GARIN1A: variants seen among roughly 807,000 people sequenced by gnomAD.
GARIN1A encodes the protein golgi associated RAB2 interactor 1A.
At chr7:128,677,593 G>C in the GARIN1A span, 1 of 1,611,196 alleles carries the variant, frequency 6.2e-7, no homozygotes, top group Non-Finnish European at 8.5e-7. Flanking sequence ...GTGGAGCTAC[G>C]AATCTACGAC....
chr7:128,696,059 C>G, the GARIN1A span, among the ~76,000 whole-genome samples: 1 of 122,108 alleles, frequency 8.2e-6, no homozygotes, highest in Non-Finnish European at 1.6e-5. Context: ...ATCACCCAGG[C>G]TGGAGTGCAG....
the GARIN1A span, chr7:128,675,647 G>T: frequency 6.2e-7 from 1 of 1,611,400 alleles, no homozygotes. Context: ...GCTCCTTTCT[G>T]ACCCATGTAC....
At chr7:128,702,277 A>G in the GARIN1A span, among the ~76,000 whole-genome samples, 3 of 152,222 alleles carry the variant, frequency 2.0e-5, no homozygotes, top group Non-Finnish European at 2.9e-5. Flanking sequence ...TTTTTAAAAA[A>G]ATTTTAGTTT....
chr7:128,675,875 A>C, the GARIN1A span: 3 of 1,142,854 alleles, frequency 2.6e-6, no homozygotes, highest in East Asian at 5.6e-5. Context: ...GGCTTGAGGG[A>C]GGGCGGGAAG....
the GARIN1A span, chr7:128,685,076 T>G: frequency 6.6e-6 from 1 of 152,270 alleles, no homozygotes; most frequent in Non-Finnish European, 1.5e-5. Context: ...AATTTTTGTA[T>G]TTTTAGCAGA....
the GARIN1A span, chr7:128,691,335 C>G: frequency 2.0e-5 from 3 of 152,236 alleles, no homozygotes; most frequent in African/African-American, 7.2e-5. Context: ...GTGGGAAACC[C>G]AGGCAGGAGA....
the GARIN1A span, among the ~76,000 whole-genome samples, chr7:128,681,922 C>T: frequency 6.8e-6 from 1 of 148,062 alleles, no homozygotes; most frequent in African/African-American, 2.5e-5. Flanking sequence ...CTGCAGGGAC[C>T]ATGCTCCCCC....
the GARIN1A span, among the ~76,000 whole-genome samples, chr7:128,707,857 C>T: frequency 1.3e-5 from 2 of 151,800 alleles, no homozygotes; most frequent in Non-Finnish European, 2.9e-5. Flanking sequence ...GCAGGATTTC[C>T]TTTCTTCCTT....
At chr7:128,674,325 A>G in the GARIN1A span, among the ~76,000 whole-genome samples, 1 of 152,140 alleles carries the variant, frequency 6.6e-6, no homozygotes, top group African/African-American at 2.4e-5. Flanking sequence ...GGGTCTCACT[A>G]TGTTGCCCAG....
At chr7:128,699,139 A>G in the GARIN1A span, among the ~76,000 whole-genome samples, 1 of 152,286 alleles carries the variant, frequency 6.6e-6, no homozygotes, top group South Asian at 2.1e-4. Flanking sequence ...ATTAAACTTA[A>G]TGAACATTTA....
At chr7:128,708,064 A>G in the GARIN1A span, among the ~76,000 whole-genome samples, 1 of 150,886 alleles carries the variant, frequency 6.6e-6, no homozygotes, top group Non-Finnish European at 1.5e-5. Context: ...CCTAGGCAAG[A>G]GTGCAATGGT....
At chr7:128,696,027 T>G in the GARIN1A span, among the ~76,000 whole-genome samples, 8 of 120,366 alleles carry the variant, frequency 6.6e-5, no homozygotes, top group Non-Finnish European at 1.5e-4. Flanking sequence ...TTTTTTTTTT[T>G]TTTTTGACAA....
the GARIN1A span, among the ~76,000 whole-genome samples, chr7:128,694,519 G>A: frequency 6.7e-6 from 1 of 149,056 alleles, no homozygotes; most frequent in South Asian, 2.2e-4. Flanking sequence ...GGGCAAGAGA[G>A]TGAGACTCTG....
chr7:128,694,765 G>A, the GARIN1A span, among the ~76,000 whole-genome samples: 1 of 152,152 alleles, frequency 6.6e-6, no homozygotes, highest in South Asian at 2.1e-4. Flanking sequence ...TGTGGAGAAT[G>A]ACTAAACTCA....
At chr7:128,681,628 A>G in the GARIN1A span, among the ~76,000 whole-genome samples, 1 of 151,312 alleles carries the variant, frequency 6.6e-6, no homozygotes, top group African/African-American at 2.4e-5. Flanking sequence ...CAGCCTCCCA[A>G]GTAACTGGGG....
chr7:128,701,624 G>A, the GARIN1A span, among the ~76,000 whole-genome samples: 1 of 152,050 alleles, frequency 6.6e-6, no homozygotes, highest in Admixed American at 6.6e-5. Context: ...AGTTTTGGCA[G>A]GAGGGATGGT....
chr7:128,694,290 G>A, the GARIN1A span, among the ~76,000 whole-genome samples: 4 of 152,178 alleles, frequency 2.6e-5, no homozygotes, highest in Non-Finnish European at 5.9e-5. Context: ...CCAGCACTTT[G>A]GGAGGCTGAG....
At chr7:128,701,549 C>A in the GARIN1A span, among the ~76,000 whole-genome samples, 1 of 151,980 alleles carries the variant, frequency 6.6e-6, no homozygotes, top group Non-Finnish European at 1.5e-5. Flanking sequence ...ATCGCACAGT[C>A]TAAGCTAATT....
the GARIN1A span, chr7:128,675,801 C>T: frequency 6.2e-7 from 1 of 1,613,878 alleles, no homozygotes; most frequent in Non-Finnish European, 8.5e-7. Flanking sequence ...TACCTGGCCC[C>T]AGGGTCCATT....
Sources: allele counts gnomAD v4.1 joint callset (sites outside exome capture counted in the v4.1 genomes callset), GRCh38; gene constraint gnomAD v4.1.1; transcripts MANE v1.5; gene names NCBI Gene and HGNC (gene_info 2026-07-23, HGNC 2026-07-21).